Variants in CADPS2 observed in about 807,000 individuals in gnomAD.
CADPS2 encodes calcium dependent secretion activator 2.
A neutral mutation model predicts 172.5 loss-of-function variants in CADPS2; 93 were observed. The observed-to-expected ratio is 0.54, with a 90% confidence interval of 0.46 to 0.64. CADPS2 has a LOEUF of 0.64. CADPS2 is among the 30% of genes least tolerant of loss of function. The pLI is 0.00. For synonymous variants in CADPS2, 546 were observed against 555.2 expected (o/e 0.98, Z 0.23); for missense variants, 1,420 against 1,565.9 (o/e 0.91, Z 1.57).
chr7:122,354,175 G>T (rs2039053919), intron 27 of CADPS2: 1 of 152,078 alleles, frequency 6.6e-6, no homozygotes, highest in African/African-American at 2.4e-5. Context: ...TTCCTACAAT[G>T]TAGATACTAG....
At chr7:122,399,641 C>G (rs1157419040) in intron 20 of CADPS2, among the ~76,000 whole-genome samples, 1 of 134,352 alleles carries the variant, frequency 7.4e-6, no homozygotes, top group Non-Finnish European at 1.6e-5. Flanking sequence ...TGATCGATAA[C>G]TCTCTCAAGG....
intron 17 of CADPS2, chr7:122,427,455 T>C (rs1334677512): frequency 6.6e-6 from 1 of 152,210 alleles, no homozygotes; most frequent in African/African-American, 2.4e-5. Context: ...ACTAAATTTA[T>C]AGTGGTATTT....
intron 1 of CADPS2, among the ~76,000 whole-genome samples, chr7:122,756,305 T>A (rs919782841): frequency 6.6e-6 from 1 of 152,196 alleles, no homozygotes; most frequent in Non-Finnish European, 1.5e-5. Context: ...TGCTTAGTTA[T>A]CATTTGTATC....
chr7:122,465,819 A>G (rs1182732480), intron 14 of CADPS2, among the ~76,000 whole-genome samples: 1 of 152,208 alleles, frequency 6.6e-6, no homozygotes, highest in African/African-American at 2.4e-5. Context: ...GTGTGGCTAC[A>G]GTAACCTAGA....
chr7:122,518,565 AAG>A, intron 8 of CADPS2, among the ~76,000 whole-genome samples: 1 of 152,258 alleles, frequency 6.6e-6, no homozygotes, highest in East Asian at 1.9e-4. Flanking sequence ...TGTCAGGCTG[AAG>A]AGAGAGTACC....
At chr7:122,337,187 T>C (rs1197600629) in intron 28 of CADPS2, among the ~76,000 whole-genome samples, 1 of 152,130 alleles carries the variant, frequency 6.6e-6, no homozygotes, top group Admixed American at 6.6e-5. Context: ...AGCAGACCAT[T>C]AGGATAGAAA....
chr7:122,610,111 G>C (rs1239836430), intron 6 of CADPS2, among the ~76,000 whole-genome samples: 3 of 151,594 alleles, frequency 2.0e-5, no homozygotes, highest in African/African-American at 7.3e-5. Context: ...TAAATTAAAG[G>C]CTATTTTAAA....
At position 122,482,790 on chromosome 7, in the gene CADPS2, G is replaced by A. The variant is rs554231359; in HGVS notation, c.1853-1930C>T. Among the ~76,000 whole-genome samples the A allele has an allele frequency of 2.2e-4, 33 of 152,210 alleles. No homozygotes were observed. In the South Asian group the frequency reaches 6.2e-3, roughly 29 times the overall value. The stretch of plus-strand genomic sequence containing the variant: ...GTTCAGAAGGGTGATAGTAACTAGA[G>A]TTTGTAGGAAAGAGTACTGGAGAGA... On this transcript the variant is annotated intron_variant, in intron 11 of 29. Coordinates refer to ENST00000449022, the MANE Select transcript of CADPS2 (RefSeq NM_017954.11).
chr7:122,783,041 T>C (rs950892074), intron 1 of CADPS2, among the ~76,000 whole-genome samples: 2 of 151,922 alleles, frequency 1.3e-5, no homozygotes, highest in Non-Finnish European at 2.9e-5. Context: ...TGAATCCCCA[T>C]TGCTACTAAA....
chr7:122,726,763 C>T (rs1232169425), intron 2 of CADPS2, among the ~76,000 whole-genome samples: 2 of 104,796 alleles, frequency 1.9e-5, no homozygotes, highest in African/African-American at 7.0e-5. Flanking sequence ...TTAGGAAGAG[C>T]TTCCTGATAC....
At chr7:122,846,214 T>C (rs1253609561) in intron 1 of CADPS2, among the ~76,000 whole-genome samples, 1 of 152,130 alleles carries the variant, frequency 6.6e-6, no homozygotes, top group Non-Finnish European at 1.5e-5. Context: ...GTAAGCAAGG[T>C]TTATTCATCT....
intron 22 of CADPS2, 81 bp downstream of exon 22, chr7:122,393,114 AG>A: frequency 6.9e-7 from 1 of 1,452,934 alleles, no homozygotes; most frequent in South Asian, 1.4e-5. Context: ...AATGCCATGC[AG>A]TCTAAACACA....
At chr7:122,709,887 T>A (rs1381645895) in intron 2 of CADPS2, among the ~76,000 whole-genome samples, 1 of 151,684 alleles carries the variant, frequency 6.6e-6, no homozygotes, top group African/African-American at 2.4e-5. Context: ...AAGGGGAACA[T>A]CACACTCTGG....
chr7:122,740,244 T>C (rs933708119), intron 1 of CADPS2, among the ~76,000 whole-genome samples: 13 of 152,160 alleles, frequency 8.5e-5, no homozygotes, highest in Admixed American at 2.6e-4. Context: ...CCCAAATGAG[T>C]TGGAAATTTA....
chr7:122,337,138 G>C (rs1194186511), intron 28 of CADPS2, among the ~76,000 whole-genome samples: 1 of 152,088 alleles, frequency 6.6e-6, no homozygotes, highest in Admixed American at 6.6e-5. Context: ...CCCAAGCTGC[G>C]GTAAGTAGTG....
At chr7:122,565,197 A>T (rs2132330918) in intron 7 of CADPS2, among the ~76,000 whole-genome samples, 1 of 151,838 alleles carries the variant, frequency 6.6e-6, no homozygotes, top group South Asian at 2.1e-4. Flanking sequence ...ACCATGTAAC[A>T]CGACTGCACT....
chr7:122,657,915 T>C (rs536039409), intron 3 of CADPS2, among the ~76,000 whole-genome samples: 394 of 152,234 alleles, frequency 2.6e-3, no homozygotes, highest in Non-Finnish European at 4.4e-3. Flanking sequence ...CTTACACTTT[T>C]TGCCCATTAC....
chr7:122,714,934 G>A (rs1486953451), intron 2 of CADPS2, among the ~76,000 whole-genome samples: 1 of 152,062 alleles, frequency 6.6e-6, no homozygotes, highest in Non-Finnish European at 1.5e-5. Flanking sequence ...GAGATCAAGT[G>A]TGTAATTGGT....
intron 17 of CADPS2, among the ~76,000 whole-genome samples, chr7:122,429,704 C>G (rs1474804422): frequency 2.0e-5 from 3 of 152,054 alleles, no homozygotes; most frequent in Non-Finnish European, 4.4e-5. Context: ...CATGAAATTT[C>G]AGGTCTATTA....
Sources: gnomAD v4.1 joint callset for allele counts (sites outside exome capture counted in the v4.1 genomes callset) on GRCh38, gnomAD v4.1.1 for gene constraint, MANE v1.5 for transcripts, NCBI Gene and HGNC (gene_info 2026-07-23, HGNC 2026-07-21) for gene names.